CLIP4: variants seen among roughly 807,000 people sequenced by gnomAD.
CLIP4 encodes the protein CAP-Gly domain containing linker protein family member 4.
A neutral mutation model predicts 73.1 loss-of-function variants in CLIP4; 47 were observed. The ratio of observed to expected loss-of-function variants is 0.64; its 90% CI spans 0.51 to 0.82. The LOEUF (loss-of-function observed/expected upper bound fraction) is 0.82. Ranked by LOEUF, CLIP4 falls within the 40% of genes least tolerant of loss-of-function variation. The pLI is 0.00. For missense variants in CLIP4, 874 were observed against 852.9 expected (o/e 1.02, Z -0.31); for synonymous variants, 306 against 295.4 (o/e 1.04, Z -0.37).
intron 11 of CLIP4, among the ~76,000 whole-genome samples, chr2:29,159,786 G>C (rs1046160213): frequency 1.3e-5 from 2 of 151,236 alleles, no homozygotes; most frequent in Non-Finnish European, 2.9e-5. Context: ...TATTTTAGTA[G>C]AATAGAAATT....
At chr2:29,175,526 T>C (rs1668273778) in intron 15 of CLIP4, 1 of 152,114 alleles carries the variant, frequency 6.6e-6, no homozygotes, top group Non-Finnish European at 1.5e-5. Flanking sequence ...GTCGAGATGT[T>C]GGTGAGTGGA....
intron 15 of CLIP4, among the ~76,000 whole-genome samples, chr2:29,178,686 T>C (rs1176479462): frequency 6.6e-6 from 1 of 152,242 alleles, no homozygotes; most frequent in African/African-American, 2.4e-5. Flanking sequence ...ATTTAACTAG[T>C]AATAGATGCC....
At chr2:29,172,009 GTT>G (rs34861574) in intron 14 of CLIP4, among the ~76,000 whole-genome samples, 110 of 120,334 alleles carry the variant, frequency 9.1e-4, no homozygotes, top group African/African-American at 1.5e-3. Flanking sequence ...CCCACCCTCT[GTT>G]TTTTTTTTTT....
intron 8 of CLIP4, among the ~76,000 whole-genome samples, chr2:29,148,363 T>C (rs3100230): frequency 0.42 from 63,535 of 152,134 alleles, 15,074 homozygotes; most frequent in Non-Finnish European, 0.55. Context: ...ATCAATGCTA[T>C]GGTATATTTC....
In CLIP4 at chr2:29,157,339, C is replaced by T; in HGVS notation, c.1391C>T (p.Ala464Val). The T allele has an allele frequency of 1.2e-6, 2 of 1,613,992 alleles. No homozygotes were observed. Among genetic ancestry groups the T allele is most frequent in the East Asian group, 2.2e-5 (1 of 44,878 alleles). The stretch of plus-strand genomic sequence containing the variant: ...AAAAGCCCTTCCCTTTCATCCAGAG[C>T]CAGTGCTGGTATCTATGGCTTTTTC... ...MSKSPSLSSR[A>V]SAGLNSSATS... Residue 464 changes from alanine to valine, a missense_variant, in exon 11 of 16, where the codon GCC (alanine) becomes GTC (valine). Transcript: ENST00000320081.
At chr2:29,164,005 G>T in intron 13 of CLIP4, 51 bp downstream of exon 13, 1 of 1,459,466 alleles carries the variant, frequency 6.9e-7, no homozygotes, top group African/African-American at 1.4e-5. Flanking sequence ...GTAATCTGCA[G>T]TGGTTAATAG....
rs184249185 is a variant in CLIP4 at position 29,175,994 on chromosome 2, A to C, written c.1796+1549A>C. Among the ~76,000 whole-genome samples the C allele has an allele frequency of 8.1e-3, 1,227 of 152,256 alleles. 6 individuals are homozygous for C. Among genetic ancestry groups the C allele is most frequent in the African/African-American group, 0.025 (1,023 of 41,548 alleles). ...GCCAGGATGGTCTCGATCTCCTGACATCATGATCTGCCCACCTTGGCCTCC... is the reference window on the plus strand; with the variant it reads ...GCCAGGATGGTCTCGATCTCCTGACCTCATGATCTGCCCACCTTGGCCTCC... On this transcript the variant is annotated intron_variant, in intron 15 of 15. Transcript: ENST00000320081.
intron 8 of CLIP4, among the ~76,000 whole-genome samples, chr2:29,150,804 GA>G (rs1288589798): frequency 2.0e-5 from 3 of 151,994 alleles, no homozygotes; most frequent in Non-Finnish European, 4.4e-5. Context: ...ATTTTTAGTA[GA>G]GATGGGGTTT....
intron 14 of CLIP4, among the ~76,000 whole-genome samples, chr2:29,174,011 T>C (rs2148104522): frequency 6.6e-6 from 1 of 152,384 alleles, no homozygotes; most frequent in Middle Eastern, 3.4e-3. Flanking sequence ...AATGTCATGC[T>C]CTTCACTTAT....
chr2:29,144,628 C>T (rs1379750915), intron 7 of CLIP4, among the ~76,000 whole-genome samples: 1 of 151,800 alleles, frequency 6.6e-6, no homozygotes, highest in African/African-American at 2.4e-5. Context: ...TGGTGATTTG[C>T]TGCACCCATC....
intron 8 of CLIP4, 97 bp from the exon 9 acceptor site, chr2:29,152,588 G>A: frequency 7.6e-7 from 1 of 1,308,052 alleles, no homozygotes; most frequent in Non-Finnish European, 1.1e-6. Flanking sequence ...GGCACTAAAG[G>A]TTTATATTAA....
intron 5 of CLIP4, among the ~76,000 whole-genome samples, chr2:29,134,301 A>G (rs1665193317): frequency 6.6e-6 from 1 of 152,158 alleles, no homozygotes; most frequent in Non-Finnish European, 1.5e-5. Context: ...CTGAATGTCT[A>G]AGTCACAGTC....
chr2:29,178,530 C>G (rs1395964360), intron 15 of CLIP4, among the ~76,000 whole-genome samples: 1 of 152,122 alleles, frequency 6.6e-6, no homozygotes, highest in African/African-American at 2.4e-5. Flanking sequence ...TCCATATGCC[C>G]ATTTCAAAGC....
chr2:29,151,310 A>G (rs934876446), intron 8 of CLIP4, among the ~76,000 whole-genome samples: 1 of 152,228 alleles, frequency 6.6e-6, no homozygotes, highest in African/African-American at 2.4e-5. Context: ...TTCTAAAAAG[A>G]TCATACAAAT....
At chr2:29,133,318 C>T (rs1003464974) in intron 4 of CLIP4, among the ~76,000 whole-genome samples, 1 of 152,186 alleles carries the variant, frequency 6.6e-6, no homozygotes, top group Non-Finnish European at 1.5e-5. Context: ...CCACGGAACA[C>T]GTTTGGGGGA....
At chr2:29,138,136 G>A (rs182593104) in intron 6 of CLIP4, among the ~76,000 whole-genome samples, 46 of 152,064 alleles carry the variant, frequency 3.0e-4, no homozygotes, top group Non-Finnish European at 4.4e-4. Flanking sequence ...TTTGTAGTTC[G>A]AGGTCTTACA....
intron 15 of CLIP4, 176 bp downstream of exon 15, chr2:29,174,621 A>G: frequency 7.4e-7 from 1 of 1,348,440 alleles, no homozygotes; most frequent in Non-Finnish European, 9.5e-7. Context: ...TTGCAAGCGC[A>G]ATTAAAAATG....
chr2:29,146,748 A>G (rs1366572399), intron 8 of CLIP4, among the ~76,000 whole-genome samples: 5 of 152,190 alleles, frequency 3.3e-5, no homozygotes, highest in Non-Finnish European at 5.9e-5. Context: ...CTTACCAGCT[A>G]TGTGACTGTC....
chr2:29,160,912 G>A (rs1423566292), intron 12 of CLIP4, among the ~76,000 whole-genome samples: 2 of 152,076 alleles, frequency 1.3e-5, no homozygotes, highest in Non-Finnish European at 2.9e-5. Flanking sequence ...AAAAATACAT[G>A]TTTGTGTATT....
Sources: allele counts gnomAD v4.1 joint callset (sites outside exome capture counted in the v4.1 genomes callset), GRCh38; gene constraint gnomAD v4.1.1; transcripts MANE v1.5; gene names NCBI Gene and HGNC (gene_info 2026-07-23, HGNC 2026-07-21).